Variants in SUPT20H observed in about 807,000 individuals in gnomAD.
SUPT20H encodes transcription factor SPT20 homolog.
In SUPT20H, 82 loss-of-function variants were observed where a neutral mutation model predicts 122.8. The ratio of observed to expected loss-of-function variants is 0.67; its 90% CI spans 0.56 to 0.80. The LOEUF is 0.80. SUPT20H is among the 30% of genes least tolerant of loss of function. The pLI is 0.00. For missense variants in SUPT20H, 831 were observed against 921.6 expected (o/e 0.90, Z 1.27); for synonymous variants, 291 against 313.0 (o/e 0.93, Z 0.74).
intron 1 of SUPT20H, among the ~76,000 whole-genome samples, chr13:37,058,144 T>A (rs1458263670): frequency 1.3e-5 from 2 of 149,096 alleles, no homozygotes; most frequent in Non-Finnish European, 1.5e-5. Context: ...CACACACCTG[T>A]AATCCCAGCT....
chr13:37,022,170 G>A lies in SUPT20H; in HGVS notation c.1592-90C>T. Reference sequence around the variant, plus strand: ...AGACCTTTGCTGCTGAGCAAACTGAGTTAACAAAGTGGGCTGAGGGGTGAA... The same window carrying A: ...AGACCTTTGCTGCTGAGCAAACTGAATTAACAAAGTGGGCTGAGGGGTGAA... On this transcript the variant is annotated intron_variant, in intron 19 of 25. Coordinates refer to ENST00000350612, the MANE Select transcript of SUPT20H (RefSeq NM_001014286.3). This position sits in a 1 kb window ranked among gnomAD's most constrained non-coding sequence, Gnocchi z 4.5. 1 of 1,613,466 alleles carries A rather than the reference G, an allele frequency of 6.2e-7. No individual in the cohort carries two copies. Among genetic ancestry groups the A allele is most frequent in the Non-Finnish European group, 8.5e-7 (1 of 1,179,658 alleles).
rs1421298490 is a variant in SUPT20H, at chr13:37,009,411, A to G, written c.*261T>C. 1.6e-5 allele frequency: 12 copies of G among 768,508 alleles called. No individual in the cohort carries two copies. Among genetic ancestry groups the G allele is most frequent in the East Asian group, 8.0e-5 (3 of 37,354 alleles). 47.6% of individuals were successfully genotyped at this position (768,508 alleles called of 1,614,324 possible). On this transcript the variant is annotated 3_prime_UTR_variant, in exon 26 of 26. Coordinates refer to ENST00000350612, the MANE Select transcript of SUPT20H (RefSeq NM_001014286.3). ...CTACATTCTTCTGAAAGATGTTTCT[A>G]TTATTTCTTAGGTCACTTCCATATA...
Position 37,051,530 on chromosome 13 carries a change from T to G in SUPT20H, c.-40A>C, listed in dbSNP as rs767994717. On this transcript the variant is annotated 5_prime_UTR_variant, in exon 2 of 26. Coordinates refer to ENST00000350612, the MANE Select transcript of SUPT20H (RefSeq NM_001014286.3). The stretch of plus-strand genomic sequence containing the variant: ...AGGGTCCAAAAGAAGAGATAACTTA[T>G]GTACGCTGATGAAGTGGGGTGAACA... 1.9e-6 allele frequency: 3 copies of G among 1,605,920 alleles called. No homozygotes were observed. Among genetic ancestry groups the G allele is most frequent in the Non-Finnish European group, 2.6e-6 (3 of 1,174,300 alleles).
Position 37,047,524 on chromosome 13 carries a change from T to G in SUPT20H, c.165+11A>C. 1.3e-5 allele frequency: 19 copies of G among 1,438,400 alleles called. No homozygotes were observed. Among genetic ancestry groups the G allele is most frequent in the Non-Finnish European group, 1.7e-5 (18 of 1,081,272 alleles). 89.1% of individuals were successfully genotyped at this position (1,438,400 alleles called of 1,614,324 possible). On this transcript the variant is annotated intron_variant, in intron 5 of 25. Transcript: ENST00000350612. The stretch of plus-strand genomic sequence containing the variant: ...TTCAAAAGCTACAACATAATAAAAA[T>G]GTATACTTACCTTAACTTCAGGTTC...
chr13:37,019,135 G>A (rs1216295117), intron 22 of SUPT20H, among the ~76,000 whole-genome samples: 1 of 152,152 alleles, frequency 6.6e-6, no homozygotes, highest in African/African-American at 2.4e-5. Context: ...TAATTAGGCA[G>A]GGCTACTGGA....
intron 1 of SUPT20H, among the ~76,000 whole-genome samples, chr13:37,054,602 T>C (rs1594600748): frequency 6.6e-6 from 1 of 152,322 alleles, no homozygotes; most frequent in East Asian, 1.9e-4. Flanking sequence ...AATTAGGTAT[T>C]GATGGGACGT....
intron 22 of SUPT20H, among the ~76,000 whole-genome samples, chr13:37,018,944 C>T (rs574392139): frequency 5.5e-4 from 84 of 152,242 alleles, no homozygotes; most frequent in Non-Finnish European, 1.0e-3. Context: ...CAACCATGTA[C>T]GGCCCACATA....
chr13:37,019,188 C>T (rs763820838), intron 22 of SUPT20H, among the ~76,000 whole-genome samples, 154 bp downstream of exon 22: 1 of 152,102 alleles, frequency 6.6e-6, no homozygotes, highest in Non-Finnish European at 1.5e-5. Flanking sequence ...TCTCTTTATC[C>T]GCTTGATCAT....
chr13:37,052,765 A>C (rs2068025654), intron 1 of SUPT20H, among the ~76,000 whole-genome samples: 1 of 152,170 alleles, frequency 6.6e-6, no homozygotes, highest in African/African-American at 2.4e-5. Context: ...ATGGGCGATA[A>C]TTTTTTGCAA....
At chr13:37,042,454 C>T (rs985089711) in intron 7 of SUPT20H, among the ~76,000 whole-genome samples, 8 of 152,124 alleles carry the variant, frequency 5.3e-5, no homozygotes, top group African/African-American at 1.9e-4. Flanking sequence ...GAGCCAAGGA[C>T]TGAACCTGAA....
At chr13:37,027,390 A>C (rs986440520) in intron 14 of SUPT20H, among the ~76,000 whole-genome samples, 2 of 152,108 alleles carry the variant, frequency 1.3e-5, no homozygotes, top group African/African-American at 4.8e-5. Flanking sequence ...TGGTCATGTG[A>C]AAAAACAAGC....
In SUPT20H at chr13:37,024,455, GAC is replaced by G; in HGVS notation, c.1330-15_1330-14del. On this transcript the variant is annotated splice_polypyrimidine_tract_variant and intron_variant, in intron 17 of 25. Coordinates refer to ENST00000350612, the MANE Select transcript of SUPT20H (RefSeq NM_001014286.3). ...CGGTTTCAGTTTGCTAAAAGACAATGACATTAAGCTTACTTGTTAAAATTAAT... is the reference window on the plus strand; with the variant it reads ...CGGTTTCAGTTTGCTAAAAGACAATGATTAAGCTTACTTGTTAAAATTAAT... 1 of 1,505,738 alleles carries G rather than the reference GAC, an allele frequency of 6.6e-7. No individual in the cohort carries two copies. The highest frequency in any genetic ancestry group is 8.9e-7 in the Non-Finnish European group (1 of 1,125,332). 93.3% of individuals were successfully genotyped at this position (1,505,738 alleles called of 1,614,324 possible). A position where few individuals can be genotyped will look rare whatever the true frequency, so the allele number is the denominator to read the frequency against.
chr13:37,009,314 T>G lies in SUPT20H; in HGVS notation c.*358A>C. 7.1e-7 allele frequency: 1 copy of G among 1,415,580 alleles called. No homozygotes were observed. Among genetic ancestry groups the G allele is most frequent in the Non-Finnish European group, 1.0e-6 (1 of 1,004,642 alleles). 87.7% of individuals were successfully genotyped at this position (1,415,580 alleles called of 1,614,324 possible). A position where few individuals can be genotyped will look rare whatever the true frequency, so the allele number is the denominator to read the frequency against. On this transcript the variant is annotated 3_prime_UTR_variant, in exon 26 of 26. Coordinates refer to ENST00000350612, the MANE Select transcript of SUPT20H (RefSeq NM_001014286.3). ...AACCCAAATAAACAGCCACCACATT[T>G]TCAAAACAGATTTGTAAAAATTGTA...
chr13:37,022,973 A>G lies in SUPT20H; in HGVS notation c.1592-893T>C, dbSNP rs1378747771. The G allele has an allele frequency of 2.4e-6, 3 of 1,254,134 alleles. No individual in the cohort carries two copies. The highest frequency in any genetic ancestry group is 1.1e-4 in the East Asian group (2 of 17,902). 77.7% of individuals were successfully genotyped at this position (1,254,134 alleles called of 1,614,324 possible). ...CAGTTTATCAATTTTTTAAAAAACA[A>G]AAACAAAAAACAAAAACCAAAAAAG... is the stretch of plus-strand genomic sequence containing the variant. On this transcript the variant is annotated intron_variant, in intron 19 of 25. Transcript: ENST00000350612. This position sits in a 1 kb window ranked among gnomAD's most constrained non-coding sequence, Gnocchi z 4.5.
intron 7 of SUPT20H, among the ~76,000 whole-genome samples, chr13:37,040,970 T>A (rs2061381002): frequency 6.6e-6 from 1 of 152,246 alleles, no homozygotes; most frequent in Admixed American, 6.5e-5. Flanking sequence ...CAGTTTGACT[T>A]TTGGCATTTA....
chr13:37,041,590 T>G (rs1009553277), intron 7 of SUPT20H, among the ~76,000 whole-genome samples: 10 of 152,084 alleles, frequency 6.6e-5, no homozygotes, highest in Non-Finnish European at 1.5e-4. Context: ...ATCATCGAAG[T>G]CTTGCTAGTT....
rs201716865 is a variant in SUPT20H at position 37,026,208 on chromosome 13, C to T, written c.1207G>A (p.Glu403Lys). ...AAGAGATGCAAATATTTTTACCTCTCAGCATCGGTCTTTGATCCAATAATG... is the reference window on the plus strand; with the variant it reads ...AAGAGATGCAAATATTTTTACCTCTTAGCATCGGTCTTTGATCCAATAATG... ...WFIIGSKTDA[E>K]RVVNQYQELV... The change falls in exon 16 of 26, where the codon GAG (glutamate) becomes AAG (lysine). Residue 403 changes from glutamate (E) to lysine (K), a missense_variant. Transcript: ENST00000350612. 3 of 1,548,562 alleles carry T rather than the reference C, an allele frequency of 1.9e-6. No individual in the cohort carries two copies. The highest frequency in any genetic ancestry group is 1.7e-6 in the Non-Finnish European group (2 of 1,157,220).
chr13:37,039,819 T>C (rs767726713), intron 9 of SUPT20H: 2 of 152,208 alleles, frequency 1.3e-5, no homozygotes, highest in Non-Finnish European at 1.5e-5. Context: ...AGGGGTGGAC[T>C]AAATAAATGG....
chr13:37,013,549 A>AGAAAATCTTT (rs2059948042), intron 23 of SUPT20H: 1 of 152,062 alleles, frequency 6.6e-6, no homozygotes, highest in South Asian at 2.1e-4. Flanking sequence ...AAAACACAGG[A>AGAAAATCTTT]GAAAATCTTT....
Sources: gnomAD v4.1 joint callset for allele counts (sites outside exome capture counted in the v4.1 genomes callset) on GRCh38, gnomAD v4.1.1 for gene constraint, Gnocchi (gnomAD v3.1) non-coding constraint, MANE v1.5 for transcripts, NCBI Gene and HGNC (gene_info 2026-07-23, HGNC 2026-07-21) for gene names.